OTUD7A: variants seen among roughly 807,000 people sequenced by gnomAD.
OTUD7A encodes OTU deubiquitinase 7A, also known as OTU domain-containing protein 7A.
Under a neutral mutation model 65.7 loss-of-function variants are expected in OTUD7A, and 12 were observed. That is an observed-to-expected ratio of 0.18 (90% CI 0.12 to 0.30). OTUD7A has a LOEUF of 0.30. OTUD7A is among the 10% of genes least tolerant of loss of function. The probability of loss-of-function intolerance (pLI) is 1.00; values close to 1 mark genes in which losing one functional copy is unlikely to be tolerated. For synonymous variants in OTUD7A, 641 were observed against 586.3 expected, an observed-to-expected ratio of 1.09 and a Z score of -1.35; for missense variants, 1,148 against 1,304.8, an observed-to-expected ratio of 0.88 and a Z score of 1.85.
chr15:31,545,964 C>A (rs1373030186), intron 5 of OTUD7A, among the ~76,000 whole-genome samples: 1 of 152,116 alleles, frequency 6.6e-6, no homozygotes, highest in Non-Finnish European at 1.5e-5. Flanking sequence ...CCATAAAGTT[C>A]CAAAGAGTAA....
At chr15:31,513,714 T>G (rs1023645335) in intron 8 of OTUD7A, among the ~76,000 whole-genome samples, 1 of 152,172 alleles carries the variant, frequency 6.6e-6, no homozygotes, top group Non-Finnish European at 1.5e-5. Flanking sequence ...ACTGGTGAGG[T>G]TGTCCCATCA....
intron 1 of OTUD7A, among the ~76,000 whole-genome samples, chr15:31,666,093 A>G (rs911172844): frequency 1.6e-4 from 24 of 152,052 alleles, no homozygotes; most frequent in African/African-American, 5.8e-4. Flanking sequence ...ATCTATGTTC[A>G]GCAAGGATAT....
Position 31,823,468 on chromosome 15 carries a change from T to C in OTUD7A, c.-100+47039A>G, listed in dbSNP as rs116953857. Among the ~76,000 whole-genome samples, 185 of 152,326 alleles carry C rather than the reference T, an allele frequency of 1.2e-3. 7 individuals are homozygous for C. In the East Asian group the frequency reaches 0.033, roughly 27 times the overall value. ...AATCTCTGCCAACAAAGAGGATACATTTATTTTAAAAGAGCTAAAATTACT... is the reference window on the plus strand; with the variant it reads ...AATCTCTGCCAACAAAGAGGATACACTTATTTTAAAAGAGCTAAAATTACT... On this transcript the variant is annotated intron_variant, in intron 1 of 12. Transcript: ENST00000307050.
At chr15:31,500,010 C>G (rs1283091769) in intron 10 of OTUD7A, among the ~76,000 whole-genome samples, 1 of 152,200 alleles carries the variant, frequency 6.6e-6, no homozygotes, top group Non-Finnish European at 1.5e-5. Context: ...GTACTCGGTG[C>G]CTTTTGCGAG....
chr15:31,613,890 C>A (rs1249816906), intron 3 of OTUD7A, among the ~76,000 whole-genome samples: 2 of 152,106 alleles, frequency 1.3e-5, no homozygotes, highest in East Asian at 3.8e-4. Flanking sequence ...GGAACCAACC[C>A]AAATGTCCAT....
chr15:31,545,534 G>A (rs1888104083), intron 5 of OTUD7A, among the ~76,000 whole-genome samples: 1 of 152,036 alleles, frequency 6.6e-6, no homozygotes, highest in African/African-American at 2.4e-5. Context: ...CCCATATCTA[G>A]AATGTATAAA....
chr15:31,559,515 C>A (rs1341579559), intron 4 of OTUD7A, among the ~76,000 whole-genome samples: 2 of 152,136 alleles, frequency 1.3e-5, no homozygotes, highest in Admixed American at 6.5e-5. Flanking sequence ...CATAAATGCT[C>A]ACACATGAAT....
chr15:31,847,244 C>T (rs193221452), intron 1 of OTUD7A, among the ~76,000 whole-genome samples: 37 of 152,206 alleles, frequency 2.4e-4, no homozygotes, highest in African/African-American at 8.2e-4. Context: ...AACAATTCCA[C>T]CCATTCCCAA....
At chr15:31,596,250 C>T (rs548154391) in intron 3 of OTUD7A, among the ~76,000 whole-genome samples, 3 of 152,126 alleles carry the variant, frequency 2.0e-5, no homozygotes, top group Non-Finnish European at 4.4e-5. Flanking sequence ...AAGTGTCTTC[C>T]GTGTCTCTCC....
intron 1 of OTUD7A, among the ~76,000 whole-genome samples, chr15:31,751,219 A>G (rs909851171): frequency 3.3e-5 from 5 of 152,192 alleles, no homozygotes; most frequent in Non-Finnish European, 7.3e-5. Context: ...AAACAAATCA[A>G]TAAGCAAGGA....
chr15:31,722,570 G>A (rs372803261), intron 1 of OTUD7A, among the ~76,000 whole-genome samples: 2,571 of 152,322 alleles, frequency 0.017, 79 homozygotes, highest in African/African-American at 0.059. Flanking sequence ...TCAGGGAGAC[G>A]AGGTTCATCA....
chr15:31,693,555 T>C (rs1893006424), intron 1 of OTUD7A, among the ~76,000 whole-genome samples: 1 of 151,864 alleles, frequency 6.6e-6, no homozygotes, highest in South Asian at 2.1e-4. Flanking sequence ...GTGGCTGGAT[T>C]GGATGTGGTG....
chr15:31,632,966 G>A (rs1457804849), intron 3 of OTUD7A, among the ~76,000 whole-genome samples: 3 of 152,170 alleles, frequency 2.0e-5, no homozygotes, highest in Admixed American at 6.5e-5. Flanking sequence ...TTTTAAGCCC[G>A]TTGGAAAAGC....
chr15:31,685,494 A>C (rs1348888857), intron 1 of OTUD7A, among the ~76,000 whole-genome samples: 2 of 151,442 alleles, frequency 1.3e-5, no homozygotes, highest in Non-Finnish European at 2.9e-5. Context: ...AAAAAAAAAA[A>C]CAAAAAACAA....
chr15:31,585,188 G>T (rs1177050415), intron 3 of OTUD7A, among the ~76,000 whole-genome samples: 1 of 152,200 alleles, frequency 6.6e-6, no homozygotes, highest in Non-Finnish European at 1.5e-5. Flanking sequence ...GACAAAAGGG[G>T]TGGATGGTGC....
intron 6 of OTUD7A, among the ~76,000 whole-genome samples, chr15:31,528,553 G>C (rs190449443): frequency 1.3e-5 from 2 of 152,248 alleles, no homozygotes; most frequent in African/African-American, 4.8e-5. Flanking sequence ...AGCCAGCAAG[G>C]CTTCGCCTTT....
intron 1 of OTUD7A, among the ~76,000 whole-genome samples, chr15:31,732,345 T>G (rs1319210139): frequency 2.0e-5 from 3 of 152,208 alleles, no homozygotes; most frequent in African/African-American, 4.8e-5. Context: ...AAAATGAGGC[T>G]CTGAGAGATG....
chr15:31,711,121 G>C (rs62002678), intron 1 of OTUD7A, among the ~76,000 whole-genome samples: 109,639 of 145,530 alleles, frequency 0.75, 41,233 homozygotes, highest in South Asian at 0.81. Flanking sequence ...GAGTTGAAGT[G>C]TTCAACACCT....
rs1291414397 is a variant in OTUD7A, at chr15:31,479,885, T to C, written c.*3409A>G. The stretch of plus-strand genomic sequence containing the variant: ...AAATGCCACTGGGTGGTAATAGGTA[T>C]GAAAAGGTCCACAGTAATTTAGTGA... On this transcript the variant is annotated 3_prime_UTR_variant, in exon 13 of 13. Coordinates refer to ENST00000307050, the MANE Select transcript of OTUD7A (RefSeq NM_001382637.1). 6.6e-6 allele frequency: 1 copy of C among 152,182 alleles called. No individual in the cohort carries two copies. The highest frequency in any genetic ancestry group is 1.5e-5 in the Non-Finnish European group (1 of 68,032). The allele number at this position is 152,182 out of a possible 1,614,324, so 9.4% of individuals were successfully genotyped here. A position where few individuals can be genotyped will look rare whatever the true frequency, so the allele number is the denominator to read the frequency against.
Sources: gnomAD v4.1 joint callset for allele counts (sites outside exome capture counted in the v4.1 genomes callset) on GRCh38, gnomAD v4.1.1 for gene constraint, MANE v1.5 for transcripts, NCBI Gene and HGNC (gene_info 2026-07-23, HGNC 2026-07-21) for gene names.